The following SIK2 variants were observed in gnomAD, a reference collection of about 807,000 sequenced individuals.
SIK2 encodes serine/threonine-protein kinase SIK2.
SIK2 carries 29 observed loss-of-function variants against 103.2 expected under a neutral mutation model. The ratio of observed to expected loss-of-function variants is 0.28; its 90% CI spans 0.21 to 0.38. The LOEUF (loss-of-function observed/expected upper bound fraction) is 0.38. Among genes scored for constraint, SIK2 ranks in the 10% least tolerant of loss-of-function variants. The pLI is 1.00. For missense variants in SIK2, 879 were observed against 1,171.0 expected (o/e 0.75, Z 3.64); for synonymous variants, 412 against 446.1 (o/e 0.92, Z 0.96).
chr11:111,710,437 A>G (rs1037016912), intron 8 of SIK2, among the ~76,000 whole-genome samples: 2 of 152,250 alleles, frequency 1.3e-5, no homozygotes, highest in Non-Finnish European at 2.9e-5. Flanking sequence ...ATTGGAATAT[A>G]CCAAATATAA....
chr11:111,646,854 C>T (rs1295873318), intron 3 of SIK2, among the ~76,000 whole-genome samples: 1 of 152,124 alleles, frequency 6.6e-6, no homozygotes, highest in Non-Finnish European at 1.5e-5. Flanking sequence ...TTTGTTTATC[C>T]ATTCACCTGT....
intron 3 of SIK2, among the ~76,000 whole-genome samples, chr11:111,685,105 G>A (rs563056597): frequency 3.3e-5 from 5 of 152,328 alleles, no homozygotes; most frequent in African/African-American, 4.8e-5. Context: ...TGTTAGAGCC[G>A]CAGTCCCCAA....
intron 4 of SIK2, 34 bp from the exon 5 acceptor site, chr11:111,700,852 T>C (rs1356258103): frequency 6.2e-6 from 10 of 1,611,286 alleles, no homozygotes; most frequent in South Asian, 3.3e-5. Flanking sequence ...TTTGAGAGCA[T>C]AGATGAAAAT....
At chr11:111,617,204 C>A (rs1319188804) in intron 2 of SIK2, among the ~76,000 whole-genome samples, 2 of 152,038 alleles carry the variant, frequency 1.3e-5, no homozygotes, top group Non-Finnish European at 2.9e-5. Context: ...TGTTACCTGG[C>A]TATATTGCAT....
chr11:111,711,096 A>T (rs1000930151), intron 8 of SIK2, among the ~76,000 whole-genome samples: 1 of 152,042 alleles, frequency 6.6e-6, no homozygotes, highest in Non-Finnish European at 1.5e-5. Flanking sequence ...GCCAATTGTC[A>T]TAAGGAAAAA....
At position 111,719,813 on chromosome 11, in the gene SIK2, G is replaced by C; in HGVS notation, c.1305G>C (p.Leu435=). ...GCLLDPVPPV[L]VRKGCQSLPS... ...TGCTTGACCCTGTGCCTCCTGTCCT[G>C]GTGCGGAAGGGATGCCAGTCACTGC... The change falls in exon 10 of 15, where the codon CTG becomes CTC. Residue 435 remains leucine (L), a synonymous_variant. Coordinates refer to ENST00000304987, the MANE Select transcript of SIK2 (RefSeq NM_015191.3). 6.2e-7 allele frequency: 1 copy of C among 1,614,034 alleles called. No homozygotes were observed.
chr11:111,670,639 C>T (rs1225601514), intron 3 of SIK2, among the ~76,000 whole-genome samples: 1 of 152,218 alleles, frequency 6.6e-6, no homozygotes, highest in Non-Finnish European at 1.5e-5. Flanking sequence ...GCTTGAGCTC[C>T]TCTTGGATTT....
intron 3 of SIK2, chr11:111,671,863 G>T: frequency 2.5e-6 from 1 of 405,884 alleles, no homozygotes. Flanking sequence ...TTTTCTTGAA[G>T]TCCTCAAGCT....
At chr11:111,631,130 C>T (rs1265305249) in intron 3 of SIK2, among the ~76,000 whole-genome samples, 1 of 152,202 alleles carries the variant, frequency 6.6e-6, no homozygotes, top group Non-Finnish European at 1.5e-5. Context: ...GGTGCAGTTA[C>T]AATGATAATT....
intron 3 of SIK2, among the ~76,000 whole-genome samples, chr11:111,656,946 G>A (rs1942399122): frequency 2.0e-5 from 3 of 152,150 alleles, no homozygotes. Flanking sequence ...AGAAACCTCA[G>A]TATGCTCTTT....
At chr11:111,649,950 G>T (rs1942307014) in intron 3 of SIK2, among the ~76,000 whole-genome samples, 1 of 152,176 alleles carries the variant, frequency 6.6e-6, no homozygotes, top group African/African-American at 2.4e-5. Flanking sequence ...ATAAAAAGAG[G>T]CAGAAAAATA....
Position 111,727,149 on chromosome 11 carries a change from C to G in SIK2, c.*3020C>G. ...TGACCGTCCCCAGCTGCCCCCTCGC[C>G]ACCTCTGCCTGCACTGCCTTCTGTC... On this transcript the variant is annotated 3_prime_UTR_variant, in exon 15 of 15. Transcript: ENST00000304987. 1 of 1,049,922 alleles carries G rather than the reference C, an allele frequency of 9.5e-7. No homozygotes were observed. 65.0% of individuals were successfully genotyped at this position (1,049,922 alleles called of 1,614,324 possible).
In SIK2 at chr11:111,602,954, C is replaced by A. The variant is rs1351907438; in HGVS notation, c.135+256C>A. Among the ~76,000 whole-genome samples, 6 of 152,120 alleles carry A rather than the reference C, an allele frequency of 3.9e-5. No homozygotes were observed. Among genetic ancestry groups the A allele is most frequent in the African/African-American group, 1.2e-4 (5 of 41,448 alleles). ...CCAGCCGGGGCTTTGCTTTCCCCTACGCCACCCCCGGTGGCCACCCGGAAT... is the reference window on the plus strand; with the variant it reads ...CCAGCCGGGGCTTTGCTTTCCCCTAAGCCACCCCCGGTGGCCACCCGGAAT... On this transcript the variant is annotated intron_variant, in intron 1 of 14. Transcript: ENST00000304987. This position sits in a 1 kb window ranked among gnomAD's most constrained non-coding sequence, Gnocchi z 4.5.
intron 12 of SIK2, 122 bp from the exon 13 acceptor site, chr11:111,721,708 G>T: frequency 1.6e-6 from 1 of 641,446 alleles, no homozygotes; most frequent in East Asian, 2.9e-5. Context: ...AAAGCTTTGA[G>T]TATTAATAAG....
chr11:111,620,306 C>T, intron 2 of SIK2, 33 bp from the exon 3 acceptor site: 1 of 1,331,052 alleles, frequency 7.5e-7, no homozygotes, highest in Non-Finnish European at 1.1e-6. Flanking sequence ...CAGTACATTT[C>T]TGTCAGACTA....
intron 3 of SIK2, among the ~76,000 whole-genome samples, chr11:111,678,740 T>C (rs1942739148): frequency 6.6e-6 from 1 of 152,240 alleles, no homozygotes; most frequent in African/African-American, 2.4e-5. Flanking sequence ...AGGCTCTTAT[T>C]TGATGCTGCA....
chr11:111,604,657 C>T (rs1941624852), intron 1 of SIK2, among the ~76,000 whole-genome samples: 1 of 152,154 alleles, frequency 6.6e-6, no homozygotes, highest in Non-Finnish European at 1.5e-5. Flanking sequence ...TTGGAACAAG[C>T]ACCGGTCAGA....
chr11:111,678,844 G>C (rs1942741359), intron 3 of SIK2, among the ~76,000 whole-genome samples: 1 of 152,154 alleles, frequency 6.6e-6, no homozygotes, highest in Non-Finnish European at 1.5e-5. Context: ...CCCTTTAAGG[G>C]TTCTTTGCCA....
At chr11:111,714,702 G>C (rs1190994907) in intron 9 of SIK2, among the ~76,000 whole-genome samples, 1 of 152,196 alleles carries the variant, frequency 6.6e-6, no homozygotes, top group Non-Finnish European at 1.5e-5. Flanking sequence ...GCAGATTCAA[G>C]AAGGCCGACC....
Sources: gnomAD v4.1 joint callset for allele counts (sites outside exome capture counted in the v4.1 genomes callset) on GRCh38, gnomAD v4.1.1 for gene constraint, Gnocchi (gnomAD v3.1) non-coding constraint, MANE v1.5 for transcripts, NCBI Gene and HGNC (gene_info 2026-07-23, HGNC 2026-07-21) for gene names.